The following NPHS1 variants were observed in gnomAD, a reference collection of about 807,000 sequenced individuals.
NPHS1 encodes NPHS1 adhesion molecule, nephrin.
NPHS1 carries 107 observed loss-of-function variants against 139.7 expected under a neutral mutation model. The observed-to-expected ratio is 0.77, with a 90% confidence interval of 0.66 to 0.90. NPHS1 has a LOEUF of 0.90. Ranked by LOEUF, NPHS1 falls within the 40% of genes least tolerant of loss-of-function variation. The probability of loss-of-function intolerance (pLI) is 0.00; values close to 1 mark genes in which losing one functional copy is unlikely to be tolerated. For missense variants in NPHS1, 1,580 were observed against 1,654.2 expected, an observed-to-expected ratio of 0.96 and a Z score of 0.78; for synonymous variants, 707 against 706.6, an observed-to-expected ratio of 1.00 and a Z score of -0.01.
intron 17 of NPHS1, among the ~76,000 whole-genome samples, chr19:35,843,044 C>A (rs1973083884): frequency 6.6e-6 from 1 of 152,166 alleles, no homozygotes; most frequent in South Asian, 2.1e-4. Flanking sequence ...CCCACCCATC[C>A]ATTCATCAAT....
At chr19:35,846,345 A>T in intron 11 of NPHS1, 151 bp from the exon 12 acceptor site, 1 of 774,972 alleles carries the variant, frequency 1.3e-6, no homozygotes, top group Non-Finnish European at 2.1e-6. Flanking sequence ...CCACCCCCCT[A>T]GGGCAAAGCA....
rs1973174147 is a variant in NPHS1 at position 35,848,312 on chromosome 19, G to C, written c.1256C>G (p.Ala419Gly). ...CTCCTTGGTGAAGGCTTCACTGAAG[G>C]CCTCACATGTGAGGGTCAGACCGTT... ...EDNGLTLTCE[A>G]FSEAFTKETF... Residue 419 changes from alanine to glycine, a missense_variant, in exon 10 of 29, where the codon GCC (alanine) becomes GGC (glycine). By Grantham distance (60) the Ala-to-Gly change is moderately conservative. Transcript: ENST00000378910. The C allele has an allele frequency of 1.2e-6, 2 of 1,614,098 alleles. No homozygotes were observed. Among genetic ancestry groups the C allele is most frequent in the Non-Finnish European group, 1.7e-6 (2 of 1,179,986 alleles).
At chr19:35,838,049 C>T (rs959489253) in intron 22 of NPHS1, among the ~76,000 whole-genome samples, 15 of 149,840 alleles carry the variant, frequency 1.0e-4, no homozygotes, top group Non-Finnish European at 1.5e-4. Flanking sequence ...GTCAGGAGTT[C>T]GAGATCAGCC....
At position 35,826,112 on chromosome 19, in the gene NPHS1, A is replaced by C. The variant is rs1310827480; in HGVS notation, c.*402T>G. On this transcript the variant is annotated 3_prime_UTR_variant, in exon 29 of 29. Transcript: ENST00000378910. Reference sequence around the variant, plus strand: ...AGGCATGCGCCACTACTCCTGGCTAATTTTTTATATTTTTAGTAGAAATGG... The same window carrying C: ...AGGCATGCGCCACTACTCCTGGCTACTTTTTTATATTTTTAGTAGAAATGG... 4.5e-6 allele frequency: 1 copy of C among 224,502 alleles called. No homozygotes were observed. The highest frequency in any genetic ancestry group is 1.0e-4 in the East Asian group (1 of 9,682). 13.9% of individuals were successfully genotyped at this position (224,502 alleles called of 1,614,324 possible).
At chr19:35,837,064 AAGAAAG>A (rs1555761172) in intron 22 of NPHS1, among the ~76,000 whole-genome samples, 8 of 140,346 alleles carry the variant, frequency 5.7e-5, no homozygotes, top group African/African-American at 2.2e-4. Context: ...GAAAGAAAGA[AAGAAAG>A]AAAAATAAAC....
Position 35,845,261 on chromosome 19 carries a change from A to AAGAG in NPHS1, c.1930+103_1930+106dup, listed in dbSNP as rs143278868. 4.0e-6 allele frequency: 5 copies of AAGAG among 1,252,904 alleles called. No homozygotes were observed. The highest frequency in any genetic ancestry group is 3.9e-5 in the South Asian group (3 of 77,110). The allele number at this position is 1,252,904 out of a possible 1,614,324, so 77.6% of individuals were successfully genotyped here. On this transcript the variant is annotated intron_variant, in intron 14 of 28. Coordinates refer to ENST00000378910, the MANE Select transcript of NPHS1 (RefSeq NM_004646.4). The surrounding 1 kb of genome is among the most constrained non-coding windows in gnomAD (Gnocchi z 5.5). ...TTGCAGCCTGAGCGACAAAAAATGA[A>AAGAG]AGAGAGAGAGAGAGAGAAGAGAAAA...
chr19:35,828,960 C>CA (rs978352821), intron 28 of NPHS1, among the ~76,000 whole-genome samples: 8 of 130,494 alleles, frequency 6.1e-5, no homozygotes, highest in African/African-American at 2.0e-4. Flanking sequence ...ATCCTTGGCC[C>CA]AGGAGGTGCC....
At position 35,843,454 on chromosome 19, in the gene NPHS1, C is replaced by A. The variant is rs768027534; in HGVS notation, c.2334+18G>T. 2.5e-6 allele frequency: 4 copies of A among 1,613,826 alleles called. No individual in the cohort carries two copies. In the South Asian group the frequency reaches 4.4e-5, roughly 18 times the overall value. On this transcript the variant is annotated intron_variant, in intron 17 of 28. Coordinates refer to ENST00000378910, the MANE Select transcript of NPHS1 (RefSeq NM_004646.4). Reference sequence around the variant, plus strand: ...ACCCCTTGACCCCACCTCTATTCACCAAAGGCTGGATCCTCACCAGTCTCT... The same window carrying A: ...ACCCCTTGACCCCACCTCTATTCACAAAAGGCTGGATCCTCACCAGTCTCT...
In NPHS1 at chr19:35,845,658, C is replaced by T; in HGVS notation, c.1757+11G>A. On this transcript the variant is annotated intron_variant, in intron 13 of 28. Transcript: ENST00000378910. This position sits in a 1 kb window ranked among gnomAD's most constrained non-coding sequence, Gnocchi z 5.5. The stretch of plus-strand genomic sequence containing the variant: ...CAGACCAGAGAGGGGAGGGATCCCT[C>T]GCACTCCCACCTCTCCCCTTCCTTG... The T allele has an allele frequency of 1.2e-6, 2 of 1,612,690 alleles. No individual in the cohort carries two copies. The highest frequency in any genetic ancestry group is 1.7e-6 in the Non-Finnish European group (2 of 1,179,360).
In NPHS1 at chr19:35,839,372, G is replaced by C. The variant is rs2146816279; in HGVS notation, c.2974C>G (p.Pro992Ala). 1 of 1,614,160 alleles carries C rather than the reference G, an allele frequency of 6.2e-7. No homozygotes were observed. Among genetic ancestry groups the C allele is most frequent in the East Asian group, 2.2e-5 (1 of 44,890 alleles). The change falls in exon 22 of 29, where the codon CCA becomes GCA. Residue 992 changes from proline to alanine, a missense_variant. Transcript: ENST00000378910. ...TPGFHYVDVV[P>A]PQATTFTLTG... ...AGCGTGAAGGTGGTGGCCTGGGGTG[G>C]TACGACATCCACATAGTGGAACCCT...
intron 16 of NPHS1, 52 bp from the exon 17 acceptor site, chr19:35,843,645 G>T: frequency 5.0e-6 from 8 of 1,605,390 alleles, no homozygotes; most frequent in Non-Finnish European, 6.8e-6. Context: ...ACAGGTCTGG[G>T]TGTGAGAGGG....
chr19:35,826,683 T>C, intron 28 of NPHS1, 38 bp from the exon 29 acceptor site: 1 of 1,612,982 alleles, frequency 6.2e-7, no homozygotes, highest in East Asian at 2.2e-5. Context: ...CATGGAGAGA[T>C]GCCCTGTAGG....
At position 35,846,015 on chromosome 19, in the gene NPHS1, C is replaced by T. The variant is rs375861433; in HGVS notation, c.1620G>A (p.Ala540=). The T allele has an allele frequency of 6.3e-7, 1 of 1,578,978 alleles. No individual in the cohort carries two copies. The highest frequency in any genetic ancestry group is 1.2e-5 in the South Asian group (1 of 86,402). The change falls in exon 12 of 29, where the codon GCG becomes GCA. Residue 540 remains alanine, a synonymous_variant. Coordinates refer to ENST00000378910, the MANE Select transcript of NPHS1 (RefSeq NM_004646.4). The stretch of plus-strand genomic sequence containing the variant: ...AGCAGTGCGAGCCCTCACACTGCAC[C>T]GCCAGCTGCGTGGACGCGCTGAGCT... ...AGQLSASTQL[A]VQFPPTNVTI...
chr19:35,851,303 C>T lies in NPHS1; in HGVS notation c.356G>A (p.Gly119Glu). 1.2e-6 allele frequency: 2 copies of T among 1,614,006 alleles called. No individual in the cohort carries two copies. Among genetic ancestry groups the T allele is most frequent in the Non-Finnish European group, 1.7e-6 (2 of 1,179,958 alleles). Residue 119 changes from glycine (G) to glutamate (E), a missense_variant, in exon 3 of 29, where the codon GGG becomes GAG. By Grantham distance (98) the Gly-to-Glu change is moderately conservative. Coordinates refer to ENST00000378910, the MANE Select transcript of NPHS1 (RefSeq NM_004646.4). Reference sequence around the variant, plus strand: ...CACTCTGGGAGACACGAGCTCGGGCCCCATCTCAGAGCGGCCGACCTGGCA... The same window carrying T: ...CACTCTGGGAGACACGAGCTCGGGCTCCATCTCAGAGCGGCCGACCTGGCA... ...YECQVGRSEM[G>E]PELVSPRVIL...
chr19:35,827,227 C>T (rs186191496), intron 28 of NPHS1, among the ~76,000 whole-genome samples: 77 of 152,050 alleles, frequency 5.1e-4, no homozygotes, highest in Middle Eastern at 3.4e-3. Flanking sequence ...TCGATCCACC[C>T]GTCTCAGCCT....
intron 23 of NPHS1, among the ~76,000 whole-genome samples, chr19:35,834,984 G>A (rs1490133157): frequency 6.6e-6 from 1 of 151,684 alleles, no homozygotes; most frequent in African/African-American, 2.4e-5. Flanking sequence ...GATCACTTGA[G>A]GTCGGGAGTT....
intron 20 of NPHS1, among the ~76,000 whole-genome samples, chr19:35,840,294 C>T (rs1260267005): frequency 1.2e-4 from 18 of 149,716 alleles, no homozygotes; most frequent in Admixed American, 2.0e-4. Flanking sequence ...CATGAGCCAC[C>T]GCGCCTGGCA....
At chr19:35,849,785 C>G in intron 5 of NPHS1, 132 bp from the exon 6 acceptor site, 1 of 728,854 alleles carries the variant, frequency 1.4e-6, no homozygotes, top group Non-Finnish European at 2.4e-6. Flanking sequence ...CCTCTGGGAT[C>G]CAGGGTTCCA....
At chr19:35,837,021 AAAAGAAAAGAAAG>A (rs1343297587) in intron 22 of NPHS1, among the ~76,000 whole-genome samples, 5 of 118,190 alleles carry the variant, frequency 4.2e-5, no homozygotes, top group Non-Finnish European at 5.3e-5. Context: ...GAAAGAAAAG[AAAAGAAAAGAAAG>A]AAAGAAAGAA....
Sources: allele counts gnomAD v4.1 joint callset (sites outside exome capture counted in the v4.1 genomes callset), GRCh38; gene constraint gnomAD v4.1.1; non-coding constraint Gnocchi (gnomAD v3.1); transcripts MANE v1.5; gene names NCBI Gene and HGNC (gene_info 2026-07-23, HGNC 2026-07-21).